MYH7: variants seen among roughly 807,000 people sequenced by gnomAD.
MYH7 encodes the protein myosin heavy chain 7, also known as myosin-7.
A neutral mutation model predicts 225.4 loss-of-function variants in MYH7; 129 were observed. The ratio of observed to expected loss-of-function variants is 0.57; its 90% confidence interval spans 0.50 to 0.66. The LOEUF is 0.66. Ranked by LOEUF, MYH7 falls within the 30% of genes least tolerant of loss-of-function variation. The pLI is 0.00. For synonymous variants in MYH7, 971 were observed against 1,007.6 expected, an observed-to-expected ratio of 0.96 and a Z score of 0.69; for missense variants, 1,649 against 2,517.0, an observed-to-expected ratio of 0.66 and a Z score of 7.38.
At position 23,419,474 on chromosome 14, in the gene MYH7, T is replaced by G; in HGVS notation, c.3853+9A>C. ...GGTGGGAACCATGGAGCCCCTGCTC[T>G]AGGCTCACCATTCTCGGTTTGCAAC... On this transcript the variant is annotated intron_variant, in intron 28 of 39. Transcript: ENST00000355349. 6.2e-7 allele frequency: 1 copy of G among 1,613,926 alleles called. No homozygotes were observed. The highest frequency in any genetic ancestry group is 8.5e-7 in the Non-Finnish European group (1 of 1,179,984).
At chr14:23,423,883 G>A (rs750519284) in intron 23 of MYH7, 24 bp downstream of exon 23, 21 of 1,613,674 alleles carry the variant, frequency 1.3e-5, no homozygotes, top group African/African-American at 2.7e-5. Flanking sequence ...GACCCGGGCT[G>A]GAGCCAAAGG....
intron 37 of MYH7, 59 bp from the exon 38 acceptor site, chr14:23,414,161 C>T (rs940205717): frequency 6.8e-7 from 1 of 1,476,984 alleles, no homozygotes; most frequent in Non-Finnish European, 9.4e-7. Flanking sequence ...GGTAGCATCC[C>T]CTCCGCCCTG....
At chr14:23,419,078 G>T (rs1892353376) in intron 29 of MYH7, 99 bp downstream of exon 29, 1 of 1,090,570 alleles carries the variant, frequency 9.2e-7, no homozygotes. Context: ...AGAACTGTTG[G>T]TCCACAGCCA....
In MYH7 at chr14:23,428,685, A is replaced by T. The variant is rs1892796930; in HGVS notation, c.1408-15T>A. On this transcript the variant is annotated splice_polypyrimidine_tract_variant and intron_variant, in intron 14 of 39. Coordinates refer to ENST00000355349, the MANE Select transcript of MYH7 (RefSeq NM_000257.4). The stretch of plus-strand genomic sequence containing the variant: ...AAGCTGTTGAACTGCAGGGGGCATG[A>T]GGGGTGGGAGCAGTCAGAAAGTGGG... 1 of 1,613,802 alleles carries T rather than the reference A, an allele frequency of 6.2e-7. No individual in the cohort carries two copies. Among genetic ancestry groups the T allele is most frequent in the African/African-American group, 1.3e-5 (1 of 74,862 alleles).
At position 23,415,418 on chromosome 14, in the gene MYH7, C is replaced by T; in HGVS notation, c.5246G>A (p.Arg1749Lys). 6.2e-7 allele frequency: 1 copy of T among 1,614,236 alleles called. No homozygotes were observed. The highest frequency in any genetic ancestry group is 8.5e-7 in the Non-Finnish European group (1 of 1,180,048). ...TEVEEAVQEC[R>K]NAEEKAKKAI... ...CTTCTTGGCCTTCTCCTCAGCATTC[C>T]TGCACTCCTGCACTGCCTCCTCCAC... The change falls in exon 36 of 40, where the codon AGG (arginine) becomes AAG (lysine). Residue 1749 changes from arginine to lysine, a missense_variant. By Grantham distance (26) the Arg-to-Lys change is conservative. Around this residue, in one of 12 missense-constraint regions of MYH7, gnomAD observed 687 missense variants for 913.8 expected, o/e 0.75. Transcript: ENST00000355349. The surrounding 1 kb of genome is among the most constrained non-coding windows in gnomAD (Gnocchi z 6.3).
chr14:23,433,036 A>T lies in MYH7; in HGVS notation c.345+48T>A. 2.5e-6 allele frequency: 4 copies of T among 1,613,564 alleles called. No individual in the cohort carries two copies. The highest frequency in any genetic ancestry group is 3.4e-6 in the Non-Finnish European group (4 of 1,179,672). Reference sequence around the variant, plus strand: ...CTCTTGGCTCCTGGGGTGGACATGGATGGAGCAAGAACAGAGATCCCAACG... The same window carrying T: ...CTCTTGGCTCCTGGGGTGGACATGGTTGGAGCAAGAACAGAGATCCCAACG... On this transcript the variant is annotated intron_variant, in intron 4 of 39. Transcript: ENST00000355349. This position sits in a 1 kb window ranked among gnomAD's most constrained non-coding sequence, Gnocchi z 4.1.
chr14:23,415,045 C>T lies in MYH7; in HGVS notation c.5509G>A (p.Val1837Met), dbSNP rs1181562416. ...CGCTCGCTCTTCCTCATGCCCTTCA[C>T]CGACTCTGCGTTGCGCTTCTGCTCG... ...EAEQKRNAES[V>M]KGMRKSERRI... The change falls in exon 37 of 40, where the codon GTG becomes ATG. Residue 1837 changes from valine (V) to methionine (M), a missense_variant. This residue lies in a region of MYH7 where 687 missense variants were observed against 913.8 expected (regional missense o/e 0.75). Transcript: ENST00000355349. The surrounding 1 kb of genome is among the most constrained non-coding windows in gnomAD (Gnocchi z 6.3). The T allele has an allele frequency of 6.2e-7, 1 of 1,612,348 alleles. No individual in the cohort carries two copies. The highest frequency in any genetic ancestry group is 1.3e-5 in the African/African-American group (1 of 75,044).
intron 39 of MYH7, among the ~76,000 whole-genome samples, chr14:23,413,486 G>A (rs1308852484): frequency 6.6e-6 from 1 of 151,418 alleles, no homozygotes; most frequent in Non-Finnish European, 1.5e-5. Flanking sequence ...TGAGGCAGGA[G>A]AACCCAGGAG....
At chr14:23,432,823 G>A in intron 4 of MYH7, 28 bp from the exon 5 acceptor site, 2 of 1,614,002 alleles carry the variant, frequency 1.2e-6, no homozygotes, top group Non-Finnish European at 8.5e-7. Context: ...GCAGTGACTT[G>A]CCAGTTGCGA....
chr14:23,430,669 G>A lies in MYH7; in HGVS notation c.896-6C>T. ...GTTGGTGATCAGCAGCATGTCTAGG[G>A]GAAAAAACATGGTTAGGGTGGGACA... On this transcript the variant is annotated splice_polypyrimidine_tract_variant and splice_region_variant and intron_variant, in intron 10 of 39. Coordinates refer to ENST00000355349, the MANE Select transcript of MYH7 (RefSeq NM_000257.4). The A allele has an allele frequency of 1.2e-6, 2 of 1,611,598 alleles. No homozygotes were observed. Among genetic ancestry groups the A allele is most frequent in the Non-Finnish European group, 1.7e-6 (2 of 1,177,762 alleles).
chr14:23,416,246 C>T lies in MYH7; in HGVS notation c.4711G>A (p.Glu1571Lys). The change falls in exon 34 of 40, where the codon GAG (glutamate) becomes AAG (lysine). Residue 1571 changes from glutamate (E) to lysine (K), a missense_variant. Physicochemically the swap from Glu to Lys is moderately conservative, Grantham distance 56 (BLOSUM62 1). Coordinates refer to ENST00000355349, the MANE Select transcript of MYH7 (RefSeq NM_000257.4). ...TTCTCTGCCAGCTTCCGCTCGATCT[C>T]TGCCTTGATCTGGTTGAACTCCAGC... ...AQLEFNQIKA[E>K]IERKLAEKDE... 1 of 1,613,670 alleles carries T rather than the reference C, an allele frequency of 6.2e-7. No individual in the cohort carries two copies. Among genetic ancestry groups the T allele is most frequent in the Non-Finnish European group, 8.5e-7 (1 of 1,179,696 alleles).
chr14:23,428,787 G>A lies in MYH7; in HGVS notation c.1408-117C>T, dbSNP rs3729814. 0.098 allele frequency: 154,284 copies of A among 1,580,226 alleles called. 14,092 individuals carry two copies. The highest frequency in any genetic ancestry group is 0.5 in the African/African-American group (36,717 of 74,104). Reference sequence around the variant, plus strand: ...GCGTGGCTGGTCCCCTCCATGTCAAGGCAGTGAAGGAGGGCTTCCCCTGAA... The same window carrying A: ...GCGTGGCTGGTCCCCTCCATGTCAAAGCAGTGAAGGAGGGCTTCCCCTGAA... On this transcript the variant is annotated intron_variant, in intron 14 of 39. Coordinates refer to ENST00000355349, the MANE Select transcript of MYH7 (RefSeq NM_000257.4).
rs1893032620 is a variant in MYH7 at position 23,433,536 on chromosome 14, C to T, written c.197G>A (p.Gly66Asp). The change falls in exon 3 of 40, where the codon GGC becomes GAC. Residue 66 changes from glycine to aspartate, a missense_variant. Physicochemically the swap from Gly to Asp is moderately conservative, Grantham distance 94 (BLOSUM62 -1). Around this residue, in one of 12 missense-constraint regions of MYH7, gnomAD observed 91 missense variants for 96.5 expected, o/e 0.94. Coordinates refer to ENST00000355349, the MANE Select transcript of MYH7 (RefSeq NM_000257.4). This position sits in a 1 kb window ranked among gnomAD's most constrained non-coding sequence, Gnocchi z 4.1. Reference sequence around the variant, plus strand: ...TCACATCAGCCTGACACCCACCTTGCCATACTCGGTCTCGGCAGTGACTTT... The same window carrying T: ...TCACATCAGCCTGACACCCACCTTGTCATACTCGGTCTCGGCAGTGACTTT... ...GGKVTAETEY[G>D]KTVTVKEDQV... is the part of the protein sequence containing the mutation. The T allele has an allele frequency of 6.2e-7, 1 of 1,613,922 alleles. No homozygotes were observed. The highest frequency in any genetic ancestry group is 1.7e-5 in the Admixed American group (1 of 60,028).
chr14:23,413,496 G>A (rs1892052945), intron 39 of MYH7, among the ~76,000 whole-genome samples: 3 of 152,030 alleles, frequency 2.0e-5, no homozygotes, highest in South Asian at 4.2e-4. Flanking sequence ...GAACCCAGGA[G>A]GCAGAGGTTG....
Position 23,428,536 on chromosome 14 carries a change from G to A in MYH7, c.1542C>T (p.Gly514=), listed in dbSNP as rs1215137868. The change falls in exon 15 of 40, where the codon GGC becomes GGT. Residue 514 remains glycine (G), a synonymous_variant. Transcript: ENST00000355349. ...GGTCAATGCAGGCCTGCAGGTCCAT[G>A]CCAAAGTCAATGAATGTCCACTCGA... is the stretch of plus-strand genomic sequence containing the variant. ...EGIEWTFIDF[G]MDLQACIDLI... is the part of the protein sequence containing the mutation. 2 of 1,614,094 alleles carry A rather than the reference G, an allele frequency of 1.2e-6. No individual in the cohort carries two copies. Among genetic ancestry groups the A allele is most frequent in the Admixed American group, 1.7e-5 (1 of 60,004 alleles).
At position 23,414,111 on chromosome 14, in the gene MYH7, C is replaced by T. The variant is rs1892086504; in HGVS notation, c.5560-9G>A. On this transcript the variant is annotated splice_polypyrimidine_tract_variant and intron_variant, in intron 37 of 39. Transcript: ENST00000355349. ...TTCCTGTCCTCCTCCGTCTGGGGGCCAGAGGGTAGGCAGGGGGTGAAGATG... is the reference window on the plus strand; with the variant it reads ...TTCCTGTCCTCCTCCGTCTGGGGGCTAGAGGGTAGGCAGGGGGTGAAGATG... 1 of 1,610,674 alleles carries T rather than the reference C, an allele frequency of 6.2e-7. No homozygotes were observed. The highest frequency in any genetic ancestry group is 8.5e-7 in the Non-Finnish European group (1 of 1,179,846).
intron 1 of MYH7, among the ~76,000 whole-genome samples, chr14:23,434,967 C>T (rs1461498092): frequency 6.6e-6 from 1 of 152,074 alleles, no homozygotes; most frequent in Non-Finnish European, 1.5e-5. Flanking sequence ...GCCATATATG[C>T]CTCAACAGCA....
chr14:23,419,776 G>A, intron 27 of MYH7, 69 bp downstream of exon 27: 1 of 1,613,352 alleles, frequency 6.2e-7, no homozygotes. Flanking sequence ...TGAAGGAAGA[G>A]ACACTACATG....
chr14:23,428,460 G>A (rs759708763), intron 15 of MYH7, 40 bp downstream of exon 15: 1 of 1,613,660 alleles, frequency 6.2e-7, no homozygotes, highest in East Asian at 2.2e-5. Flanking sequence ...TTCTTGTTGG[G>A]TGTGCAGGGA....
Sources: allele counts gnomAD v4.1 joint callset (sites outside exome capture counted in the v4.1 genomes callset), GRCh38; gene constraint gnomAD v4.1.1; regional missense constraint gnomAD v4.1.1; non-coding constraint Gnocchi (gnomAD v3.1); transcripts MANE v1.5; gene names NCBI Gene and HGNC (gene_info 2026-07-23, HGNC 2026-07-21).